The following PTPRD variants were observed in gnomAD, a reference collection of about 807,000 sequenced individuals.
PTPRD encodes the protein receptor-type tyrosine-protein phosphatase delta.
In PTPRD, 34 loss-of-function variants were observed where a neutral mutation model predicts 214.5. That is an observed-to-expected ratio of 0.16 (90% confidence interval 0.12 to 0.21). The LOEUF is 0.21. PTPRD is among the 10% of genes least tolerant of loss of function. The probability of loss-of-function intolerance (pLI) is 1.00; values close to 1 mark genes in which losing one functional copy is unlikely to be tolerated. For missense variants in PTPRD, 2,545 were observed against 2,398.7 expected (o/e 1.06, Z -1.27); for synonymous variants, 1,128 against 845.7 (o/e 1.33, Z -5.79).
At position 9,475,970 on chromosome 9, in the gene PTPRD, G is replaced by A. The variant is rs191785124; in HGVS notation, c.-236-78488C>T. ...ATCACTTCTTAAATTAAAATCTTAG[G>A]TAGAACTCCACTACATTAAAAAGAG... On this transcript the variant is annotated intron_variant, in intron 8 of 45. Transcript: ENST00000381196. Among the ~76,000 whole-genome samples, 447 of 152,012 alleles carry A rather than the reference G, an allele frequency of 2.9e-3. 2 individuals carry two copies. The highest frequency in any genetic ancestry group is 4.7e-3 in the Non-Finnish European group (318 of 67,986).
At chr9:8,906,551 T>C (rs2098709099) in intron 11 of PTPRD, among the ~76,000 whole-genome samples, 1 of 152,176 alleles carries the variant, frequency 6.6e-6, no homozygotes, top group Non-Finnish European at 1.5e-5. Flanking sequence ...TATTTAAAAA[T>C]TAAGACATCA....
intron 9 of PTPRD, among the ~76,000 whole-genome samples, chr9:9,377,966 G>A (rs985339294): frequency 6.6e-6 from 1 of 151,986 alleles, no homozygotes; most frequent in African/African-American, 2.4e-5. Flanking sequence ...TGAGAGGAAA[G>A]TACAGAGATT....
At chr9:9,927,963 G>A (rs927834368) in intron 5 of PTPRD, among the ~76,000 whole-genome samples, 2 of 148,248 alleles carry the variant, frequency 1.3e-5, no homozygotes, top group African/African-American at 4.9e-5. Context: ...TAAGTTGTTT[G>A]GGTACAACTA....
At chr9:10,012,109 G>A (rs1030208366) in intron 4 of PTPRD, among the ~76,000 whole-genome samples, 2 of 151,886 alleles carry the variant, frequency 1.3e-5, no homozygotes, top group African/African-American at 4.8e-5. Flanking sequence ...TTCATCAAAT[G>A]ATTTTTAATA....
intron 3 of PTPRD, among the ~76,000 whole-genome samples, chr9:10,082,533 A>G (rs1334826048): frequency 6.6e-6 from 1 of 152,078 alleles, no homozygotes; most frequent in Non-Finnish European, 1.5e-5. Context: ...ATTACAAATT[A>G]CAAGACAGAA....
chr9:9,815,663 G>A (rs754025420), intron 5 of PTPRD, among the ~76,000 whole-genome samples: 10 of 152,072 alleles, frequency 6.6e-5, no homozygotes, highest in African/African-American at 2.4e-5. Context: ...ATATAGTGAT[G>A]TATGATATCA....
intron 7 of PTPRD, among the ~76,000 whole-genome samples, chr9:9,579,907 T>C (rs1238073496): frequency 6.6e-6 from 1 of 152,170 alleles, no homozygotes; most frequent in East Asian, 1.9e-4. Context: ...TCTAAGTCCA[T>C]ATGAACATAT....
intron 5 of PTPRD, among the ~76,000 whole-genome samples, chr9:9,873,184 T>G (rs778037807): frequency 1.7e-4 from 26 of 152,226 alleles, no homozygotes; most frequent in Non-Finnish European, 2.6e-4. Context: ...TCATCACCAA[T>G]GTATTGGGAA....
intron 44 of PTPRD, among the ~76,000 whole-genome samples, chr9:8,321,526 T>TATATATATAA (rs1327118226): frequency 6.3e-4 from 73 of 115,750 alleles, no homozygotes; most frequent in African/African-American, 1.1e-3. Context: ...TATATATATA[T>TATATATATAA]AAAAGGTATA....
chr9:8,533,670 TGTTATCAATAAACC>T (rs2076251706), intron 14 of PTPRD, among the ~76,000 whole-genome samples: 1 of 151,988 alleles, frequency 6.6e-6, no homozygotes. Flanking sequence ...CCCCAAATAG[TGTTATCAATAAACC>T]GTAATAATAG....
At chr9:9,677,658 C>G (rs2096963145) in intron 7 of PTPRD, among the ~76,000 whole-genome samples, 1 of 151,972 alleles carries the variant, frequency 6.6e-6, no homozygotes, top group South Asian at 2.1e-4. Context: ...AAAACTGGCA[C>G]AAGACAGGGA....
At chr9:9,097,496 C>A (rs1445439310) in intron 10 of PTPRD, among the ~76,000 whole-genome samples, 1 of 151,822 alleles carries the variant, frequency 6.6e-6, no homozygotes, top group African/African-American at 2.4e-5. Flanking sequence ...GCAAGCTCTG[C>A]CGCCCGGATT....
At chr9:10,327,680 C>T (rs1047450706) in intron 3 of PTPRD, among the ~76,000 whole-genome samples, 2 of 151,660 alleles carry the variant, frequency 1.3e-5, no homozygotes, top group African/African-American at 2.4e-5. Context: ...CTCAGATTTA[C>T]AAGAAGTGCT....
chr9:10,016,318 A>C (rs1363680752), intron 4 of PTPRD, among the ~76,000 whole-genome samples: 1 of 152,150 alleles, frequency 6.6e-6, no homozygotes, highest in East Asian at 1.9e-4. Context: ...TAAAGTAGCC[A>C]TCCGTGTGTC....
intron 8 of PTPRD, among the ~76,000 whole-genome samples, chr9:9,423,808 A>C (rs1178425716): frequency 6.6e-6 from 1 of 152,224 alleles, no homozygotes; most frequent in African/African-American, 2.4e-5. Flanking sequence ...TTGAAACATA[A>C]AGCAGTACAA....
At chr9:8,397,735 T>A (rs912203462) in intron 36 of PTPRD, among the ~76,000 whole-genome samples, 8 of 152,154 alleles carry the variant, frequency 5.3e-5, no homozygotes, top group African/African-American at 1.9e-4. Flanking sequence ...TAGTTTCTTG[T>A]CTTTATTTAT....
chr9:9,198,316 G>A (rs1415687752), intron 9 of PTPRD, among the ~76,000 whole-genome samples: 1 of 151,936 alleles, frequency 6.6e-6, no homozygotes, highest in Non-Finnish European at 1.5e-5. Flanking sequence ...TAGAAAATAA[G>A]TTTGGTTAAT....
chr9:8,627,065 C>A (rs150789957), intron 14 of PTPRD, among the ~76,000 whole-genome samples: 223 of 151,814 alleles, frequency 1.5e-3, no homozygotes, highest in African/African-American at 5.2e-3. Context: ...TCACAGACTC[C>A]TAAATATTCT....
chr9:8,840,379 G>T (rs913260634), intron 11 of PTPRD, among the ~76,000 whole-genome samples: 1 of 152,172 alleles, frequency 6.6e-6, no homozygotes, highest in Non-Finnish European at 1.5e-5. Flanking sequence ...TGCCTGCTGC[G>T]ATCCATGTAA....
Sources: allele counts gnomAD v4.1 joint callset (sites outside exome capture counted in the v4.1 genomes callset), GRCh38; gene constraint gnomAD v4.1.1; transcripts MANE v1.5; gene names NCBI Gene and HGNC (gene_info 2026-07-23, HGNC 2026-07-21).